VPS37A: variants seen among roughly 807,000 people sequenced by gnomAD.
VPS37A encodes vacuolar protein sorting-associated protein 37A.
Under a neutral mutation model 49.8 loss-of-function variants are expected in VPS37A, and 30 were observed. That is an observed-to-expected ratio of 0.60 (90% confidence interval 0.45 to 0.82). The LOEUF (loss-of-function observed/expected upper bound fraction) is 0.82. Among genes scored for constraint, VPS37A ranks in the 40% least tolerant of loss-of-function variants. The pLI, the probability that VPS37A is intolerant of heterozygous loss-of-function variation, is 0.00. For missense variants in VPS37A, 593 were observed against 464.4 expected (o/e 1.28, Z -2.55); for synonymous variants, 195 against 160.6 (o/e 1.21, Z -1.62).
At chr8:17,273,050 G>C (rs1352025646) in intron 4 of VPS37A, among the ~76,000 whole-genome samples, 1 of 72,992 alleles carries the variant, frequency 1.4e-5, no homozygotes, top group African/African-American at 7.1e-5. Flanking sequence ...TTTTTTTTTG[G>C]TGGAGGGGGT....
At position 17,296,840 on chromosome 8, in the gene VPS37A, T is replaced by A. The variant is rs1016656568; in HGVS notation, c.*1854T>A. The A allele has an allele frequency of 6.6e-6, 1 of 152,194 alleles. No homozygotes were observed. Among genetic ancestry groups the A allele is most frequent in the African/African-American group, 2.4e-5 (1 of 41,444 alleles). The allele number at this position is 152,194 out of a possible 1,614,324, so 9.4% of individuals were successfully genotyped here. On this transcript the variant is annotated 3_prime_UTR_variant, in exon 12 of 12. Coordinates refer to ENST00000324849, the MANE Select transcript of VPS37A (RefSeq NM_152415.3). Reference sequence around the variant, plus strand: ...ATTCTTTAAAGTTGAACTATCCCAGTTTCATTCTATACCATTCATTGGATA... The same window carrying A: ...ATTCTTTAAAGTTGAACTATCCCAGATTCATTCTATACCATTCATTGGATA...
rs561439627 is a variant in VPS37A, at chr8:17,269,646, C to CTA, written c.416+693_416+694dup. Among the ~76,000 whole-genome samples the CTA allele has an allele frequency of 2.1e-4, 32 of 152,292 alleles. 1 individual carries two copies. In the East Asian group the frequency reaches 6.2e-3, roughly 29 times the overall value. Reference sequence around the variant, plus strand: ...TCTTCCCTCCATTCTGAGTTACTCTCTATAACATTTGAGTAACTCTCACCA... The same window carrying CTA: ...TCTTCCCTCCATTCTGAGTTACTCTCTATATAACATTTGAGTAACTCTCACCA... On this transcript the variant is annotated intron_variant, in intron 4 of 11. Transcript: ENST00000324849.
At chr8:17,298,940 T>TTAA (rs1816918601), downstream of VPS37A, 1 of 152,214 alleles carries the variant, frequency 6.6e-6, no homozygotes, top group African/African-American at 2.4e-5. Flanking sequence ...ATTCCCTTCA[T>TTAA]TAAACAGACA....
At chr8:17,280,661 T>G (rs994359207) in intron 9 of VPS37A, among the ~76,000 whole-genome samples, 1 of 151,936 alleles carries the variant, frequency 6.6e-6, no homozygotes, top group Non-Finnish European at 1.5e-5. Context: ...AAACAGAAAA[T>G]TATGACAGGC....
chr8:17,253,803 G>A (rs776502172), intron 1 of VPS37A, among the ~76,000 whole-genome samples: 11 of 152,214 alleles, frequency 7.2e-5, no homozygotes, highest in East Asian at 1.9e-4. Context: ...CACAGATTTC[G>A]AAAACAAACA....
intron 1 of VPS37A, among the ~76,000 whole-genome samples, chr8:17,262,228 T>C (rs1813024823): frequency 6.6e-6 from 1 of 152,118 alleles, no homozygotes; most frequent in African/African-American, 2.4e-5. Flanking sequence ...TTCTGGGATG[T>C]CGTTGGTGTT....
At chr8:17,288,027 A>G (rs954581697) in intron 11 of VPS37A, among the ~76,000 whole-genome samples, 1 of 152,190 alleles carries the variant, frequency 6.6e-6, no homozygotes, top group African/African-American at 2.4e-5. Flanking sequence ...AGTGCTCACA[A>G]TGAATTGTTT....
chr8:17,305,861 G>A (rs745364153), downstream of VPS37A: 48 of 1,613,602 alleles, frequency 3.0e-5, no homozygotes, highest in South Asian at 5.1e-4. Context: ...TGAACTCAAA[G>A]GCACAGGGAA....
At chr8:17,319,170 C>A in the VPS37A span, among the ~76,000 whole-genome samples, 1 of 152,336 alleles carries the variant, frequency 6.6e-6, no homozygotes, top group Admixed American at 6.5e-5. Context: ...GCAGACACAG[C>A]TGCACTCAAA....
chr8:17,332,652 A>T, the VPS37A span, among the ~76,000 whole-genome samples: 10 of 152,228 alleles, frequency 6.6e-5, no homozygotes, highest in Admixed American at 6.5e-4. Flanking sequence ...ACACTTTCTG[A>T]ATGTCTATTG....
chr8:17,263,602 A>T (rs189206779), intron 1 of VPS37A, among the ~76,000 whole-genome samples: 5 of 152,222 alleles, frequency 3.3e-5, no homozygotes, highest in African/African-American at 1.2e-4. Flanking sequence ...TTATTTAGAT[A>T]AAAATTATTT....
chr8:17,302,820 C>T (rs974803457), downstream of VPS37A, among the ~76,000 whole-genome samples: 3 of 149,774 alleles, frequency 2.0e-5, no homozygotes, highest in African/African-American at 4.9e-5. Context: ...TCAAGCGATT[C>T]TCCTGCCTCA....
At chr8:17,281,082 A>G (rs1245272130) in intron 9 of VPS37A, among the ~76,000 whole-genome samples, 1 of 151,980 alleles carries the variant, frequency 6.6e-6, no homozygotes, top group South Asian at 2.1e-4. Flanking sequence ...AGCAAAAAAG[A>G]TGGTAAAGGA....
At chr8:17,303,276 A>G (rs1300967978), downstream of VPS37A, among the ~76,000 whole-genome samples, 4 of 152,184 alleles carry the variant, frequency 2.6e-5, no homozygotes, top group African/African-American at 7.2e-5. Context: ...CTTGTCTTAC[A>G]TGCACTATGG....
the VPS37A span, among the ~76,000 whole-genome samples, chr8:17,316,802 C>T: frequency 6.6e-6 from 1 of 151,904 alleles, no homozygotes; most frequent in Non-Finnish European, 1.5e-5. Flanking sequence ...AGGCTATATG[C>T]AAATACACCA....
chr8:17,319,679 C>T, the VPS37A span, among the ~76,000 whole-genome samples: 2,113 of 152,308 alleles, frequency 0.014, 36 homozygotes, highest in Middle Eastern at 0.041. Flanking sequence ...TATTCTCATT[C>T]TTGATTGTGG....
At chr8:17,255,205 G>C (rs1236569912) in intron 1 of VPS37A, among the ~76,000 whole-genome samples, 1 of 152,232 alleles carries the variant, frequency 6.6e-6, no homozygotes, top group Admixed American at 6.5e-5. Flanking sequence ...GCTGGCTGCA[G>C]TGGCTCACTG....
chr8:17,247,511 C>T (rs1163351138), intron 1 of VPS37A, 142 bp downstream of exon 1: 2 of 1,152,322 alleles, frequency 1.7e-6, no homozygotes, highest in Admixed American at 2.2e-5. Flanking sequence ...CACACGCTTG[C>T]TCTGCCACTC....
At chr8:17,318,105 A>G in the VPS37A span, among the ~76,000 whole-genome samples, 6 of 152,182 alleles carry the variant, frequency 3.9e-5, no homozygotes, top group East Asian at 1.2e-3. Flanking sequence ...GATGATGGGA[A>G]GCCAGTCTCT....
Sources: allele counts gnomAD v4.1 joint callset (sites outside exome capture counted in the v4.1 genomes callset), GRCh38; gene constraint gnomAD v4.1.1; transcripts MANE v1.5; gene names NCBI Gene and HGNC (gene_info 2026-07-23, HGNC 2026-07-21).